The following ABI3BP variants were observed in gnomAD, a reference collection of about 807,000 sequenced individuals.
ABI3BP encodes the protein target of Nesh-SH3.
A neutral mutation model predicts 268.6 loss-of-function variants in ABI3BP; 216 were observed. The ratio of observed to expected loss-of-function variants is 0.80; its 90% confidence interval spans 0.72 to 0.90. The LOEUF (loss-of-function observed/expected upper bound fraction) is 0.90. ABI3BP is among the 40% of genes least tolerant of loss of function. The pLI is 0.00. For synonymous variants in ABI3BP, 730 were observed against 730.0 expected, an observed-to-expected ratio of 1.00 and a Z score of 0.00; for missense variants, 2,090 against 2,182.4, an observed-to-expected ratio of 0.96 and a Z score of 0.84.
intron 30 of ABI3BP, 81 bp downstream of exon 30, chr3:100,833,044 A>T: frequency 8.4e-7 from 1 of 1,188,360 alleles, no homozygotes; most frequent in East Asian, 2.6e-5. Context: ...AAAAGATGGT[A>T]CAATAGCCTA....
At chr3:100,875,651 C>T (rs2099154704) in intron 7 of ABI3BP, 72 bp from the exon 8 acceptor site, 2 of 1,059,956 alleles carry the variant, frequency 1.9e-6, no homozygotes, top group Non-Finnish European at 2.9e-6. Flanking sequence ...AATGTGAAGC[C>T]ATCTGCACTG....
intron 4 of ABI3BP, among the ~76,000 whole-genome samples, chr3:100,889,206 C>T: frequency 6.6e-6 from 1 of 152,044 alleles, no homozygotes; most frequent in East Asian, 1.9e-4. Context: ...TTTACCTATT[C>T]CATTTAATCC....
rs995527991 is a variant in ABI3BP, at chr3:100,866,878, C to A, written c.988+1G>T. On this transcript the variant is annotated splice_donor_variant, in intron 10 of 67. Transcript: ENST00000471714. LOFTEE classifies it high-confidence loss of function. The stretch of plus-strand genomic sequence containing the variant: ...GGTCAACAACATAGCGATCTCATTA[C>A]CTGTTGTGGGTCGTGCTGAGATTTT... 1.9e-6 allele frequency: 3 copies of A among 1,612,908 alleles called. No individual in the cohort carries two copies. Among genetic ancestry groups the A allele is most frequent in the Non-Finnish European group, 2.5e-6 (3 of 1,179,084 alleles).
chr3:100,789,386 G>A, intron 56 of ABI3BP, 68 bp downstream of exon 56: 1 of 1,462,606 alleles, frequency 6.8e-7, no homozygotes, highest in South Asian at 1.2e-5. Flanking sequence ...GGTGTATTTG[G>A]CTATTTCAGT....
intron 20 of ABI3BP, chr3:100,844,554 G>T: frequency 1.5e-6 from 1 of 664,430 alleles, no homozygotes; most frequent in Non-Finnish European, 1.9e-6. Flanking sequence ...AGCTTTGGGT[G>T]GTGTATTTGC....
At chr3:100,982,476 G>A (rs1290757749) in intron 1 of ABI3BP, among the ~76,000 whole-genome samples, 2 of 151,566 alleles carry the variant, frequency 1.3e-5, no homozygotes, top group East Asian at 3.9e-4. Flanking sequence ...TCAGAAAGGT[G>A]AAGCATTAGG....
intron 1 of ABI3BP, among the ~76,000 whole-genome samples, chr3:100,935,018 T>C (rs920690565): frequency 1.3e-5 from 2 of 152,072 alleles, no homozygotes; most frequent in Non-Finnish European, 2.9e-5. Flanking sequence ...TTTGTTGCCA[T>C]TGCTTTTGGT....
chr3:100,843,499 GAA>G (rs1196506333), intron 20 of ABI3BP: 3 of 958,106 alleles, frequency 3.1e-6, no homozygotes, highest in East Asian at 1.2e-4. Context: ...GGGAGGGAAA[GAA>G]AGAGAGGGAG....
intron 9 of ABI3BP, among the ~76,000 whole-genome samples, chr3:100,872,053 A>G (rs994621784): frequency 6.6e-6 from 1 of 152,052 alleles, no homozygotes; most frequent in Non-Finnish European, 1.5e-5. Context: ...TATATTGCCT[A>G]CGCTAGTCTT....
At chr3:100,840,993 G>A in intron 21 of ABI3BP, 135 bp from the exon 22 acceptor site, 1 of 688,076 alleles carries the variant, frequency 1.5e-6, no homozygotes, top group South Asian at 2.5e-5. Flanking sequence ...TTATCCACAT[G>A]CAAAGTTTCT....
intron 63 of ABI3BP, 57 bp downstream of exon 63, chr3:100,765,784 T>C (rs2096245391): frequency 8.0e-7 from 1 of 1,243,730 alleles, no homozygotes; most frequent in Non-Finnish European, 1.2e-6. Context: ...CTTTCCCTTG[T>C]TGTGGTTATA....
chr3:100,893,527 GA>G (rs1422905182), intron 4 of ABI3BP, among the ~76,000 whole-genome samples: 2 of 152,166 alleles, frequency 1.3e-5, no homozygotes, highest in African/African-American at 4.8e-5. Flanking sequence ...TAAGGACTGA[GA>G]AAACTCTACT....
rs143541518 is a variant in ABI3BP at position 100,800,759 on chromosome 3, G to A, written c.3757+4033C>T. ...CTCCCAAAGTATTGGGATTACAGGCGTGAGCCACCACGCCCAGCCTGGAGC... is the reference window on the plus strand; with the variant it reads ...CTCCCAAAGTATTGGGATTACAGGCATGAGCCACCACGCCCAGCCTGGAGC... On this transcript the variant is annotated intron_variant, in intron 51 of 67. Coordinates refer to ENST00000471714, the MANE Select transcript of ABI3BP (RefSeq NM_001375547.2). 8.1e-4 allele frequency among the ~76,000 whole-genome samples: 123 copies of A among 152,294 alleles called. 1 individual carries two copies. Among genetic ancestry groups the A allele is most frequent in the East Asian group, 2.9e-3 (15 of 5,184 alleles).
chr3:100,837,312 T>G (rs1400560682), intron 26 of ABI3BP, 141 bp from the exon 27 acceptor site: 2 of 559,822 alleles, frequency 3.6e-6, no homozygotes, highest in Non-Finnish European at 5.8e-6. Context: ...ATAGGCTTAT[T>G]TATTATGTGA....
intron 57 of ABI3BP, among the ~76,000 whole-genome samples, chr3:100,782,015 C>T (rs1257777730): frequency 1.3e-5 from 2 of 152,228 alleles, no homozygotes; most frequent in South Asian, 2.1e-4. Context: ...TACTTACTGT[C>T]ATCTGATCAT....
intron 65 of ABI3BP, 50 bp downstream of exon 65, chr3:100,753,768 GA>G: frequency 6.3e-7 from 1 of 1,591,142 alleles, no homozygotes; most frequent in South Asian, 1.1e-5. Context: ...CTGTTCAGTT[GA>G]ATAAATTTAG....
At chr3:100,939,346 A>G (rs1377013212) in intron 1 of ABI3BP, among the ~76,000 whole-genome samples, 1 of 151,628 alleles carries the variant, frequency 6.6e-6, no homozygotes, top group Non-Finnish European at 1.5e-5. Flanking sequence ...ATCTTTATTT[A>G]TCTTTATCTA....
At chr3:100,842,361 T>A (rs1215211262) in intron 20 of ABI3BP, among the ~76,000 whole-genome samples, 1 of 152,208 alleles carries the variant, frequency 6.6e-6, no homozygotes, top group Non-Finnish European at 1.5e-5. Flanking sequence ...CTGATATTTG[T>A]TTCTTGCAGG....
chr3:100,822,453 G>A, intron 38 of ABI3BP, 136 bp downstream of exon 38: 3 of 659,742 alleles, frequency 4.5e-6, no homozygotes, highest in Non-Finnish European at 7.6e-6. Context: ...TCTTCACAGT[G>A]GGATCTGCTG....
Sources: gnomAD v4.1 joint callset for allele counts (sites outside exome capture counted in the v4.1 genomes callset) on GRCh38, gnomAD v4.1.1 for gene constraint, MANE v1.5 for transcripts, NCBI Gene and HGNC (gene_info 2026-07-23, HGNC 2026-07-21) for gene names.